TCERG1L: variants seen among roughly 807,000 people sequenced by gnomAD.
The protein encoded by TCERG1L is transcription elongation regulator 1 like, also known as transcription elongation regulator 1-like protein.
In TCERG1L, 37 loss-of-function variants were observed where a neutral mutation model predicts 56.3. That is an observed-to-expected ratio of 0.66 (90% confidence interval 0.51 to 0.87). TCERG1L has a LOEUF of 0.87. Among genes scored for constraint, TCERG1L ranks in the 40% least tolerant of loss-of-function variants. The pLI, the probability that TCERG1L is intolerant of heterozygous loss-of-function variation, is 0.00. For missense variants in TCERG1L, 799 were observed against 774.2 expected (o/e 1.03, Z -0.38); for synonymous variants, 324 against 326.3 (o/e 0.99, Z 0.08).
intron 3 of TCERG1L, among the ~76,000 whole-genome samples, chr10:131,288,801 A>C (rs1846575141): frequency 6.6e-6 from 1 of 151,984 alleles, no homozygotes; most frequent in African/African-American, 2.4e-5. Context: ...CTCCAAGCCA[A>C]GAACTGCCCA....
chr10:131,281,907 C>A (rs1033341272), intron 3 of TCERG1L, among the ~76,000 whole-genome samples: 9 of 152,138 alleles, frequency 5.9e-5, no homozygotes, highest in African/African-American at 1.7e-4. Context: ...GAGGCCGAGG[C>A]TGGCGGATCA....
At chr10:131,291,401 C>CTTTGTTTTT (rs1846622564) in intron 3 of TCERG1L, among the ~76,000 whole-genome samples, 1 of 36,566 alleles carries the variant, frequency 2.7e-5, no homozygotes, top group Admixed American at 5.0e-4. Flanking sequence ...AACAGCATTT[C>CTTTGTTTTT]TTTTTTTTTT....
chr10:131,225,068 G>A (rs947281463), intron 4 of TCERG1L, among the ~76,000 whole-genome samples: 31 of 152,268 alleles, frequency 2.0e-4, no homozygotes, highest in South Asian at 8.3e-4. Context: ...GTATTGTCTC[G>A]TTTTGCAGAT....
At chr10:131,244,119 C>G (rs1276811335) in intron 4 of TCERG1L, among the ~76,000 whole-genome samples, 2 of 152,234 alleles carry the variant, frequency 1.3e-5, no homozygotes, top group Non-Finnish European at 2.9e-5. Context: ...GAAAAGTTAA[C>G]TCGCAAAAAC....
chr10:131,275,212 A>G (rs534021479), intron 3 of TCERG1L, among the ~76,000 whole-genome samples: 1 of 152,276 alleles, frequency 6.6e-6, no homozygotes, highest in East Asian at 1.9e-4. Context: ...CTGATGATGT[A>G]AGCTCAAAAT....
chr10:131,116,157 T>C (rs2133389540), intron 9 of TCERG1L, among the ~76,000 whole-genome samples: 1 of 152,248 alleles, frequency 6.6e-6, no homozygotes, highest in South Asian at 2.1e-4. Flanking sequence ...CAGGAAATGA[T>C]AGTCATTGAA....
Position 131,246,505 on chromosome 10 carries a change from G to A in TCERG1L, c.856+13754C>T, listed in dbSNP as rs1458078423. ...CACACTACAGTCTCCACAAGGATGC[G>A]GAAAGTTATGATGAGAGGAGGCATT... On this transcript the variant is annotated intron_variant, in intron 4 of 11. Coordinates refer to ENST00000368642, the MANE Select transcript of TCERG1L (RefSeq NM_174937.4). Among the ~76,000 whole-genome samples the A allele has an allele frequency of 3.9e-5, 6 of 152,224 alleles. 1 individual carries two copies. The highest frequency in any genetic ancestry group is 9.6e-5 in the African/African-American group (4 of 41,528).
chr10:131,155,252 A>T lies in TCERG1L; in HGVS notation c.1034+7870T>A, dbSNP rs553584439. Among the ~76,000 whole-genome samples the T allele has an allele frequency of 7.0e-4, 106 of 152,342 alleles. No homozygotes were observed. In the South Asian group the frequency reaches 0.022, roughly 31 times the overall value. On this transcript the variant is annotated intron_variant, in intron 6 of 11. Transcript: ENST00000368642. ...AAGGCATCACTGTTAACTTCTTGGC[A>T]TAACTCTTAAAAGATTTTACCAATC...
chr10:131,252,980 A>AC (rs1409106495), intron 4 of TCERG1L, among the ~76,000 whole-genome samples: 2 of 151,544 alleles, frequency 1.3e-5, no homozygotes, highest in Admixed American at 6.6e-5. Flanking sequence ...GACCACAGGG[A>AC]CCCCCGGGGA....
At chr10:131,211,233 C>A (rs889758579) in intron 4 of TCERG1L, among the ~76,000 whole-genome samples, 4 of 152,238 alleles carry the variant, frequency 2.6e-5, no homozygotes, top group African/African-American at 7.2e-5. Flanking sequence ...ATAGGCCAGC[C>A]TCTCAAAGGA....
chr10:131,148,974 G>T (rs1845834052), intron 6 of TCERG1L, among the ~76,000 whole-genome samples: 1 of 152,156 alleles, frequency 6.6e-6, no homozygotes, highest in Non-Finnish European at 1.5e-5. Flanking sequence ...TGGAGGCCTT[G>T]GCCACAGCTG....
intron 4 of TCERG1L, among the ~76,000 whole-genome samples, chr10:131,186,830 C>T (rs1405960785): frequency 1.3e-5 from 2 of 152,158 alleles, no homozygotes; most frequent in Non-Finnish European, 2.9e-5. Flanking sequence ...TTTTTCTCAT[C>T]GGCTGGTTTT....
intron 7 of TCERG1L, among the ~76,000 whole-genome samples, chr10:131,135,539 T>C (rs1564798681): frequency 6.6e-6 from 1 of 152,184 alleles, no homozygotes; most frequent in African/African-American, 2.4e-5. Context: ...ACAGTTCAAA[T>C]CTATTTACAG....
chr10:131,150,740 T>C (rs1845855200), intron 6 of TCERG1L, among the ~76,000 whole-genome samples: 1 of 152,216 alleles, frequency 6.6e-6, no homozygotes, highest in African/African-American at 2.4e-5. Flanking sequence ...CCTGTCATCC[T>C]GCGCTAGGCT....
At chr10:131,124,717 C>T (rs1281879904) in intron 8 of TCERG1L, among the ~76,000 whole-genome samples, 1 of 152,142 alleles carries the variant, frequency 6.6e-6, no homozygotes, top group Non-Finnish European at 1.5e-5. Flanking sequence ...TCTTTATCCC[C>T]CAAATGACAA....
At chr10:131,160,139 C>T (rs779037199) in intron 6 of TCERG1L, among the ~76,000 whole-genome samples, 5 of 152,152 alleles carry the variant, frequency 3.3e-5, no homozygotes, top group East Asian at 1.9e-4. Context: ...GTGCTCCCAG[C>T]GTGAAGCTTC....
rs556396222 is a variant in TCERG1L, at chr10:131,170,485, T to C, written c.857-3600A>G. On this transcript the variant is annotated intron_variant, in intron 4 of 11. Transcript: ENST00000368642. The stretch of plus-strand genomic sequence containing the variant: ...AATACCTTTCTGGGCAATGCCTCTA[T>C]TGATCAAACCCAGCTCTGAGATGTG... 5.3e-5 allele frequency among the ~76,000 whole-genome samples: 8 copies of C among 151,910 alleles called. No homozygotes were observed. In the South Asian group the frequency reaches 1.3e-3, roughly 24 times the overall value.
intron 4 of TCERG1L, among the ~76,000 whole-genome samples, chr10:131,222,005 C>T (rs1845738451): frequency 6.6e-6 from 1 of 152,196 alleles, no homozygotes. Flanking sequence ...ATTCCTATTC[C>T]TCCAGGGAGC....
intron 4 of TCERG1L, among the ~76,000 whole-genome samples, chr10:131,223,298 C>T (rs548585232): frequency 6.6e-6 from 1 of 152,306 alleles, no homozygotes; most frequent in South Asian, 2.1e-4. Flanking sequence ...CACCCTGGTG[C>T]AGACCCCAAT....
Sources: gnomAD v4.1 joint callset for allele counts (sites outside exome capture counted in the v4.1 genomes callset) on GRCh38, gnomAD v4.1.1 for gene constraint, MANE v1.5 for transcripts, NCBI Gene and HGNC (gene_info 2026-07-23, HGNC 2026-07-21) for gene names.